The following RARB variants were observed in gnomAD, a reference collection of about 807,000 sequenced individuals.
RARB encodes HBV-activated protein.
In RARB, 17 loss-of-function variants were observed where a neutral mutation model predicts 51.9. The ratio of observed to expected loss-of-function variants is 0.33; its 90% CI spans 0.22 to 0.49. The LOEUF (loss-of-function observed/expected upper bound fraction) is 0.49, where lower values mean the gene tolerates loss of function less well. Ranked by LOEUF, RARB falls within the 20% of genes least tolerant of loss-of-function variation. The pLI is 0.99. For synonymous variants in RARB, 215 were observed against 195.4 expected (o/e 1.10, Z -0.84); for missense variants, 369 against 550.8 (o/e 0.67, Z 3.30).
intron 2 of RARB, among the ~76,000 whole-genome samples, chr3:24,940,065 G>A (rs1695627741): frequency 6.6e-6 from 1 of 152,136 alleles, no homozygotes; most frequent in Admixed American, 6.5e-5. Context: ...ACTGTGTAGA[G>A]TTAAAGTAAG....
intron 2 of RARB, among the ~76,000 whole-genome samples, chr3:24,912,975 C>CTTTTTTTGTTTTTTTT (rs1695023232): frequency 1.3e-5 from 1 of 75,066 alleles, no homozygotes; most frequent in Non-Finnish European, 2.6e-5. Context: ...GGTACTGATT[C>CTTTTTTTGTTTTTTTT]TTTTTTTTTT....
chr3:25,411,767 C>G (rs980593584), intron 5 of RARB, among the ~76,000 whole-genome samples: 4 of 152,182 alleles, frequency 2.6e-5, no homozygotes, highest in African/African-American at 9.7e-5. Flanking sequence ...TAAACAAGGA[C>G]AATTTCCTGG....
rs147214625 is a variant in RARB at position 25,249,886 on chromosome 3, G to C, written c.178+75311G>C. ...TGTTCCTGTTTTGGGGCCCCAGGGC[G>C]GCATATGCTTGCAGCACTATTGCCA... On this transcript the variant is annotated intron_variant, in intron 5 of 11. Transcript: ENST00000383772. Among the ~76,000 whole-genome samples the C allele has an allele frequency of 2.0e-5, 3 of 152,306 alleles. No homozygotes were observed. In the East Asian group the frequency reaches 5.8e-4, roughly 29 times the overall value.
At chr3:24,984,737 T>G (rs1316325765) in intron 2 of RARB, among the ~76,000 whole-genome samples, 1 of 144,602 alleles carries the variant, frequency 6.9e-6, no homozygotes, top group Non-Finnish European at 1.5e-5. Flanking sequence ...TAAAAGTATT[T>G]TAGATGTTAT....
chr3:24,920,471 A>C (rs533613114), intron 2 of RARB, among the ~76,000 whole-genome samples: 21 of 152,172 alleles, frequency 1.4e-4, no homozygotes, highest in Non-Finnish European at 3.1e-4. Flanking sequence ...TCCCTTGAAC[A>C]CTGTAGCTTC....
At chr3:24,916,635 GA>G (rs1695112382) in intron 2 of RARB, among the ~76,000 whole-genome samples, 1 of 152,144 alleles carries the variant, frequency 6.6e-6, no homozygotes, top group Non-Finnish European at 1.5e-5. Context: ...GGAGAAACTG[GA>G]AATCTTCTGT....
chr3:25,163,316 C>T (rs189655408), intron 4 of RARB, among the ~76,000 whole-genome samples: 5 of 151,840 alleles, frequency 3.3e-5, no homozygotes, highest in African/African-American at 1.2e-4. Context: ...CCAGCCTGGG[C>T]AACATAGGGA....
intron 1 of RARB, among the ~76,000 whole-genome samples, chr3:24,847,857 C>T (rs540199892): frequency 5.3e-5 from 8 of 152,194 alleles, no homozygotes; most frequent in African/African-American, 1.9e-4. Flanking sequence ...GTGGACCATA[C>T]TTTGAGTAGC....
At chr3:25,184,780 G>A (rs769494206) in intron 5 of RARB, among the ~76,000 whole-genome samples, 5 of 152,034 alleles carry the variant, frequency 3.3e-5, no homozygotes, top group Non-Finnish European at 7.4e-5. Flanking sequence ...TACTCCCAGC[G>A]CTTTGCGGGA....
intron 7 of RARB, among the ~76,000 whole-genome samples, chr3:25,595,714 C>T (rs1701792223): frequency 6.6e-6 from 1 of 152,186 alleles, no homozygotes; most frequent in African/African-American, 2.4e-5. Flanking sequence ...AACTGAGGCA[C>T]TGTTTTTCTC....
At chr3:24,911,321 G>T (rs554977585) in intron 2 of RARB, among the ~76,000 whole-genome samples, 5 of 152,112 alleles carry the variant, frequency 3.3e-5, no homozygotes, top group African/African-American at 1.2e-4. Flanking sequence ...TAAAAGAAAG[G>T]AATTTATATA....
chr3:25,516,395 T>C (rs1698161065), intron 3 of RARB, among the ~76,000 whole-genome samples: 1 of 152,208 alleles, frequency 6.6e-6, no homozygotes, highest in South Asian at 2.1e-4. Flanking sequence ...TGGATTCCAG[T>C]TTAATAATTA....
At chr3:24,844,688 T>C (rs540762068) in intron 1 of RARB, among the ~76,000 whole-genome samples, 1 of 152,336 alleles carries the variant, frequency 6.6e-6, no homozygotes, top group African/African-American at 2.4e-5. Flanking sequence ...ATCTATAAGA[T>C]TGTGATAAAT....
intron 2 of RARB, among the ~76,000 whole-genome samples, chr3:24,890,383 C>T (rs1468131995): frequency 6.6e-6 from 1 of 152,136 alleles, no homozygotes; most frequent in South Asian, 2.1e-4. Flanking sequence ...ATTGAAGAAT[C>T]ACATTCACAT....
intron 2 of RARB, among the ~76,000 whole-genome samples, chr3:24,908,759 GA>G (rs1694927584): frequency 1.5e-5 from 2 of 137,656 alleles, no homozygotes; most frequent in Admixed American, 1.6e-4. Flanking sequence ...GAAATGTTGA[GA>G]CCTTAATAGA....
At chr3:25,014,795 G>C (rs1216847458) in intron 2 of RARB, among the ~76,000 whole-genome samples, 1 of 151,986 alleles carries the variant, frequency 6.6e-6, no homozygotes, top group Non-Finnish European at 1.5e-5. Flanking sequence ...GATAATAGGG[G>C]CTGTGTGGCC....
At chr3:25,458,207 A>T (rs185105854) in intron 1 of RARB, 1 of 152,232 alleles carries the variant, frequency 6.6e-6, no homozygotes, top group Non-Finnish European at 1.5e-5. Context: ...GTTCATCACA[A>T]TGGAATGTTT....
At chr3:25,094,680 G>A (rs1337831254) in intron 3 of RARB, among the ~76,000 whole-genome samples, 3 of 118,694 alleles carry the variant, frequency 2.5e-5, no homozygotes, top group Admixed American at 2.4e-4. Context: ...TCATGCCATT[G>A]CACTCCAGCC....
At chr3:25,163,504 A>AAAAAAAAAAATATATATATATATAT (rs1303712411) in intron 4 of RARB, among the ~76,000 whole-genome samples, 1 of 131,094 alleles carries the variant, frequency 7.6e-6, no homozygotes, top group African/African-American at 3.2e-5. Context: ...CCTATCTCAA[A>AAAAAAAAAAATATATATATATATAT]ATATATATAT....
Sources: allele counts gnomAD v4.1 joint callset (sites outside exome capture counted in the v4.1 genomes callset), GRCh38; gene constraint gnomAD v4.1.1; transcripts MANE v1.5; gene names NCBI Gene and HGNC (gene_info 2026-07-23, HGNC 2026-07-21).